The following CCSER1 variants were observed in gnomAD, a reference collection of about 807,000 sequenced individuals.
CCSER1 encodes coiled-coil serine rich protein 1.
Under a neutral mutation model 82.0 loss-of-function variants are expected in CCSER1, and 41 were observed. The ratio of observed to expected loss-of-function variants is 0.50; its 90% CI spans 0.39 to 0.65. The LOEUF (loss-of-function observed/expected upper bound fraction) is 0.65, where lower values mean the gene tolerates loss of function less well. Among genes scored for constraint, CCSER1 ranks in the 30% least tolerant of loss-of-function variants. The pLI, the probability that CCSER1 is intolerant of heterozygous loss-of-function variation, is 0.00. For missense variants in CCSER1, 1,119 were observed against 1,064.2 expected (o/e 1.05, Z -0.72); for synonymous variants, 414 against 383.9 (o/e 1.08, Z -0.92).
At chr4:90,931,637 A>G (rs777082143) in intron 9 of CCSER1, among the ~76,000 whole-genome samples, 134 of 152,180 alleles carry the variant, frequency 8.8e-4, no homozygotes, top group Non-Finnish European at 1.3e-3. Context: ...CTTTTGTTTC[A>G]CTAGGCAATC....
At chr4:91,279,430 T>G (rs1172611535) in intron 10 of CCSER1, among the ~76,000 whole-genome samples, 2 of 152,048 alleles carry the variant, frequency 1.3e-5, no homozygotes, top group Admixed American at 1.3e-4. Context: ...TTTTGTTCAT[T>G]TATTTTTATT....
At chr4:91,254,415 C>CA (rs2149153580) in intron 10 of CCSER1, among the ~76,000 whole-genome samples, 1 of 152,252 alleles carries the variant, frequency 6.6e-6, no homozygotes, top group East Asian at 1.9e-4. Flanking sequence ...TCAATCTAGA[C>CA]AACATCATGC....
chr4:90,810,992 C>T (rs1167101035), intron 7 of CCSER1, among the ~76,000 whole-genome samples: 1 of 151,780 alleles, frequency 6.6e-6, no homozygotes, highest in Non-Finnish European at 1.5e-5. Flanking sequence ...ACCACCGCGC[C>T]CAACTAATTT....
intron 4 of CCSER1, among the ~76,000 whole-genome samples, chr4:90,461,531 T>G (rs1175075719): frequency 6.6e-6 from 1 of 152,334 alleles, no homozygotes; most frequent in South Asian, 2.1e-4. Context: ...CAGTCTTCCT[T>G]AACTTCTTGT....
At chr4:90,652,321 G>C (rs1728899132) in intron 6 of CCSER1, among the ~76,000 whole-genome samples, 1 of 152,128 alleles carries the variant, frequency 6.6e-6, no homozygotes, top group Admixed American at 6.6e-5. Context: ...AAAGTTCCTA[G>C]TTTTTGTGAT....
intron 9 of CCSER1, among the ~76,000 whole-genome samples, chr4:90,959,747 T>C (rs1020834193): frequency 6.6e-6 from 1 of 151,592 alleles, no homozygotes; most frequent in African/African-American, 2.4e-5. Flanking sequence ...TTTCTTTTTT[T>C]TTTTTTCGTT....
At chr4:90,237,012 A>G (rs1304049997) in intron 1 of CCSER1, among the ~76,000 whole-genome samples, 5 of 152,202 alleles carry the variant, frequency 3.3e-5, no homozygotes, top group African/African-American at 9.6e-5. Flanking sequence ...AAACATCTCA[A>G]TATGGATATG....
intron 10 of CCSER1, among the ~76,000 whole-genome samples, chr4:91,265,358 G>C (rs1741494696): frequency 6.6e-6 from 1 of 152,064 alleles, no homozygotes; most frequent in African/African-American, 2.4e-5. Context: ...GTGAGCTATA[G>C]TGAATTAGGT....
rs542892459 is a variant in CCSER1, at chr4:90,969,709, G to A, written c.2172+46262G>A. 2.0e-5 allele frequency among the ~76,000 whole-genome samples: 3 copies of A among 152,078 alleles called. No individual in the cohort carries two copies. The South Asian group carries it at 6.2e-4, about 32-fold the overall frequency. ...TCTTCAAGATGAAGCAAAATATGCT[G>A]TTTGGTAAGAGGAACATATGAAAGC... On this transcript the variant is annotated intron_variant, in intron 9 of 10. Coordinates refer to ENST00000509176, the MANE Select transcript of CCSER1 (RefSeq NM_001145065.2).
intron 10 of CCSER1, among the ~76,000 whole-genome samples, chr4:91,285,980 T>C (rs1388438562): frequency 2.0e-5 from 3 of 151,820 alleles, no homozygotes; most frequent in African/African-American, 4.8e-5. Context: ...TGTTTTTTTT[T>C]TCCATTTCTA....
intron 5 of CCSER1, among the ~76,000 whole-genome samples, chr4:90,516,602 C>G (rs1350865524): frequency 1.3e-5 from 2 of 152,162 alleles, no homozygotes; most frequent in Non-Finnish European, 2.9e-5. Flanking sequence ...TTACCTTCTG[C>G]CCTTTCATCT....
chr4:90,180,741 A>G (rs1255587919), intron 1 of CCSER1, among the ~76,000 whole-genome samples: 1 of 152,160 alleles, frequency 6.6e-6, no homozygotes, highest in Non-Finnish European at 1.5e-5. Flanking sequence ...ATGAATAAGT[A>G]TCACTCCTGT....
chr4:90,772,340 T>C (rs1315246634), intron 7 of CCSER1, among the ~76,000 whole-genome samples: 4 of 152,088 alleles, frequency 2.6e-5, no homozygotes, highest in Non-Finnish European at 4.4e-5. Flanking sequence ...AATTACTATA[T>C]ATTATAAAAA....
intron 10 of CCSER1, among the ~76,000 whole-genome samples, chr4:91,392,231 TAGC>T (rs1263820542): frequency 4.6e-5 from 7 of 151,942 alleles, no homozygotes; most frequent in African/African-American, 1.2e-4. Flanking sequence ...GAACTGAAAA[TAGC>T]AGGATATTTC....
At chr4:90,367,127 C>CT (rs1471605841) in intron 3 of CCSER1, among the ~76,000 whole-genome samples, 13 of 151,712 alleles carry the variant, frequency 8.6e-5, no homozygotes, top group African/African-American at 2.9e-4. Flanking sequence ...ATTGTGATAA[C>CT]TAACACTACT....
chr4:91,027,862 A>T (rs1046538903), intron 9 of CCSER1, among the ~76,000 whole-genome samples: 2 of 152,100 alleles, frequency 1.3e-5, no homozygotes, highest in African/African-American at 4.8e-5. Flanking sequence ...AATTGTGCAG[A>T]GGGAGAAACA....
intron 7 of CCSER1, among the ~76,000 whole-genome samples, chr4:90,750,332 C>G (rs1471160518): frequency 6.6e-6 from 1 of 152,066 alleles, no homozygotes; most frequent in Non-Finnish European, 1.5e-5. Context: ...AGAATAAACT[C>G]CTAGTCTGCT....
Position 91,436,650 on chromosome 4 carries a change from C to A in CCSER1, c.2218-161922C>A, listed in dbSNP as rs112894765. 5.9e-5 allele frequency among the ~76,000 whole-genome samples: 9 copies of A among 152,044 alleles called. 1 individual carries two copies. The highest frequency in any genetic ancestry group is 2.2e-4 in the African/African-American group (9 of 41,414). ...GGTAAATGAGAAAATGAGACTTAGA[C>A]AGGTTAAATTATTTCTTTAAGATCA... On this transcript the variant is annotated intron_variant, in intron 10 of 10. Coordinates refer to ENST00000509176, the MANE Select transcript of CCSER1 (RefSeq NM_001145065.2).
At chr4:90,832,629 T>C (rs28483028) in intron 8 of CCSER1, among the ~76,000 whole-genome samples, 3,641 of 152,280 alleles carry the variant, frequency 0.024, 162 homozygotes, top group African/African-American at 0.084. Context: ...CATTATTTCT[T>C]TTGTCAGTTT....
Sources: allele counts gnomAD v4.1 joint callset (sites outside exome capture counted in the v4.1 genomes callset), GRCh38; gene constraint gnomAD v4.1.1; transcripts MANE v1.5; gene names NCBI Gene and HGNC (gene_info 2026-07-23, HGNC 2026-07-21).